Variants in CDH23 observed in about 807,000 individuals in gnomAD.
The protein encoded by CDH23 is cadherin-23.
Under a neutral mutation model 317.1 loss-of-function variants are expected in CDH23, and 189 were observed. The ratio of observed to expected loss-of-function variants is 0.60; its 90% CI spans 0.53 to 0.67. The LOEUF (loss-of-function observed/expected upper bound fraction) is 0.67, where lower values mean the gene tolerates loss of function less well. Ranked by LOEUF, CDH23 falls within the 30% of genes least tolerant of loss-of-function variation. The probability of loss-of-function intolerance (pLI) is 0.00; values close to 1 mark genes in which losing one functional copy is unlikely to be tolerated. For synonymous variants in CDH23, 1,839 were observed against 1,876.8 expected (o/e 0.98, Z 0.52); for missense variants, 4,401 against 4,592.4 (o/e 0.96, Z 1.20).
At position 71,488,476 on chromosome 10, in the gene CDH23, A is replaced by G. The variant is rs891999803; in HGVS notation, c.146-21606A>G. Among the ~76,000 whole-genome samples, 4 of 152,158 alleles carry G rather than the reference A, an allele frequency of 2.6e-5. No individual in the cohort carries two copies. The East Asian group carries it at 5.8e-4, about 22-fold the overall frequency. ...ACTTTAACACCCCTTTTCCTGGTCC[A>G]TCTGACTTGTCAATCATTTCATCCC... On this transcript the variant is annotated intron_variant, in intron 3 of 69. Coordinates refer to ENST00000224721, the MANE Select transcript of CDH23 (RefSeq NM_022124.6).
intron 19 of CDH23, among the ~76,000 whole-genome samples, chr10:71,689,007 G>T (rs1169697672): frequency 8.8e-6 from 1 of 113,688 alleles, no homozygotes; most frequent in Non-Finnish European, 2.0e-5. Context: ...TGGAGCCAGG[G>T]GTGGTGGAGT....
intron 9 of CDH23, among the ~76,000 whole-genome samples, chr10:71,607,940 G>T (rs1564684097): frequency 1.3e-5 from 2 of 152,134 alleles, no homozygotes; most frequent in South Asian, 2.1e-4. Context: ...AACAGGCATG[G>T]CAGGAAAGAA....
At chr10:71,482,944 G>A (rs1293299729) in intron 3 of CDH23, among the ~76,000 whole-genome samples, 1 of 152,206 alleles carries the variant, frequency 6.6e-6, no homozygotes, top group African/African-American at 2.4e-5. Context: ...TTTTCTCTGT[G>A]GAAGTAAATC....
intron 6 of CDH23, among the ~76,000 whole-genome samples, chr10:71,520,890 G>A (rs990803379): frequency 1.3e-5 from 2 of 152,278 alleles, no homozygotes; most frequent in South Asian, 2.1e-4. Context: ...TGATGTGTGC[G>A]CAGGCTGCCT....
intron 1 of CDH23, among the ~76,000 whole-genome samples, chr10:71,407,272 G>A (rs552239996): frequency 1.3e-5 from 2 of 152,198 alleles, no homozygotes; most frequent in Non-Finnish European, 2.9e-5. Flanking sequence ...CAGAGCTGGG[G>A]CTGGGTTCTG....
Position 71,812,825 on chromosome 10 carries a change from G to A in CDH23, c.9568G>A (p.Ala3190Thr). The A allele has an allele frequency of 6.2e-7, 1 of 1,613,624 alleles. No homozygotes were observed. The highest frequency in any genetic ancestry group is 8.5e-7 in the Non-Finnish European group (1 of 1,179,702). ...VKPDDDRYLR[A>T]AIQEYDNIAK... The stretch of plus-strand genomic sequence containing the variant: ...GCCTGATGATGACCGATACCTGCGG[G>A]CTGCCATCCAGGAGTATGACAACAT... Residue 3190 changes from alanine to threonine, a missense_variant, in exon 68 of 70, where the codon GCT becomes ACT. Ala to Thr is a moderately conservative substitution (Grantham distance 58). Around this residue, in one of 3 missense-constraint regions of CDH23, gnomAD observed 1,144 missense variants for 1,138.2 expected, o/e 1.01. Coordinates refer to ENST00000224721, the MANE Select transcript of CDH23 (RefSeq NM_022124.6).
intron 19 of CDH23, 48 bp from the exon 20 acceptor site, chr10:71,690,420 G>C: frequency 7.0e-7 from 1 of 1,434,966 alleles, no homozygotes; most frequent in Non-Finnish European, 9.6e-7. Context: ...TGAAGCCAGG[G>C]GCCCAGGGTG....
In CDH23 at chr10:71,566,930, C is replaced by T. The variant is rs397517348; in HGVS notation, c.618C>T (p.Asn206=). Residue 206 remains asparagine, a synonymous_variant, in exon 7 of 70, where the codon AAC becomes AAT. Coordinates refer to ENST00000224721, the MANE Select transcript of CDH23 (RefSeq NM_022124.6). ...CACAGGCCTACCAGCTCACGGTCAACGCCACAGTGAGTCTCCATGCTGGGG... is the reference window on the plus strand; with the variant it reads ...CACAGGCCTACCAGCTCACGGTCAATGCCACAGTGAGTCTCCATGCTGGGG... The part of the protein sequence containing the change: ...ETTQAYQLTV[N]ATDQDKTRPL... 31 of 1,611,920 alleles carry T rather than the reference C, an allele frequency of 1.9e-5. No individual in the cohort carries two copies. The highest frequency in any genetic ancestry group is 4.5e-5 in the East Asian group (2 of 44,900).
intron 1 of CDH23, among the ~76,000 whole-genome samples, chr10:71,438,934 G>A (rs1179267742): frequency 6.6e-6 from 1 of 152,188 alleles, no homozygotes; most frequent in African/African-American, 2.4e-5. Flanking sequence ...AGGATTCCTG[G>A]TTGGTGAGTG....
chr10:71,584,468 A>T (rs1467530764), intron 9 of CDH23, among the ~76,000 whole-genome samples: 2 of 152,072 alleles, frequency 1.3e-5, no homozygotes, highest in East Asian at 3.9e-4. Context: ...ATGCTACCCA[A>T]GTGAGGAGGT....
intron 11 of CDH23, among the ~76,000 whole-genome samples, chr10:71,625,937 ACC>A (rs983620467): frequency 1.3e-5 from 2 of 152,196 alleles, no homozygotes; most frequent in African/African-American, 4.8e-5. Context: ...TATTAGCATT[ACC>A]TGTGGCTTTG....
intron 38 of CDH23, chr10:71,773,268 G>T (rs1589413246): frequency 7.1e-7 from 1 of 1,402,952 alleles, no homozygotes; most frequent in Non-Finnish European, 9.8e-7. Context: ...GGCTGAGAGG[G>T]CCCCCAGGAC....
chr10:71,811,421 A>G lies in CDH23; in HGVS notation c.9184A>G (p.Met3062Val), dbSNP rs762820479. ...CATCTCTGTCCGGCTGCCGGATGACATGTCTGCCCTGCAGGTACCCGGCGA... is the reference window on the plus strand; with the variant it reads ...CATCTCTGTCCGGCTGCCGGATGACGTGTCTGCCCTGCAGGTACCCGGCGA... The part of the protein sequence containing the change: ...PAISVRLPDD[M>V]SALQMAIIVL... The change falls in exon 63 of 70, where the codon ATG (methionine) becomes GTG (valine). Residue 3062 changes from methionine (M) to valine (V), a missense_variant. Met to Val is a conservative substitution (Grantham distance 21, BLOSUM62 1). This residue lies in a region of CDH23 where 1,144 missense variants were observed against 1,138.2 expected (regional missense o/e 1.01). Coordinates refer to ENST00000224721, the MANE Select transcript of CDH23 (RefSeq NM_022124.6). 1.2e-6 allele frequency: 2 copies of G among 1,613,856 alleles called. No homozygotes were observed. The highest frequency in any genetic ancestry group is 1.3e-5 in the African/African-American group (1 of 74,920).
chr10:71,702,151 G>A lies in CDH23; in HGVS notation c.2527G>A (p.Glu843Lys), dbSNP rs1242768697. ...CACCACCCACGCCATGCTGGACCGG[G>A]AGAACCCCGACCCCCATGAGGCCGA... ...IRTTHAMLDR[E>K]NPDPHEAELM... The change falls in exon 23 of 70, where the codon GAG becomes AAG. Residue 843 changes from glutamate to lysine, a missense_variant. By Grantham distance (56) the Glu-to-Lys change is moderately conservative (BLOSUM62 1). Around this residue, in one of 3 missense-constraint regions of CDH23, gnomAD observed 3,068 missense variants for 3,203.3 expected, o/e 0.96. Coordinates refer to ENST00000224721, the MANE Select transcript of CDH23 (RefSeq NM_022124.6). 6.2e-7 allele frequency: 1 copy of A among 1,613,918 alleles called. No homozygotes were observed.
chr10:71,713,272 A>G (rs774418744), intron 28 of CDH23: 1 of 779,484 alleles, frequency 1.3e-6, no homozygotes, highest in Non-Finnish European at 2.4e-6. Flanking sequence ...CCCAGGGAGC[A>G]GGCGCAACAG....
chr10:71,460,044 T>C (rs1212292654), intron 3 of CDH23, among the ~76,000 whole-genome samples: 1 of 152,172 alleles, frequency 6.6e-6, no homozygotes, highest in Non-Finnish European at 1.5e-5. Flanking sequence ...AGGAGGTAGT[T>C]ATGGAGCCCA....
At chr10:71,540,286 C>G (rs1855917010) in intron 6 of CDH23, among the ~76,000 whole-genome samples, 1 of 152,164 alleles carries the variant, frequency 6.6e-6, no homozygotes, top group African/African-American at 2.4e-5. Context: ...GAAAGCAGCT[C>G]ATTCTCCTCT....
chr10:71,537,798 A>ATCACTTCGTTTCCC, intron 6 of CDH23, among the ~76,000 whole-genome samples: 1 of 152,336 alleles, frequency 6.6e-6, no homozygotes, highest in South Asian at 2.1e-4. Context: ...TGAGTCAAAC[A>ATCACTTCGTTTCCC]TCACTTCGTT....
At chr10:71,544,324 CAG>C (rs1200658439) in intron 6 of CDH23, among the ~76,000 whole-genome samples, 5 of 152,180 alleles carry the variant, frequency 3.3e-5, no homozygotes, top group Admixed American at 6.5e-5. Flanking sequence ...ACTCTAATAA[CAG>C]GGGAAGTTTC....
Sources: allele counts gnomAD v4.1 joint callset (sites outside exome capture counted in the v4.1 genomes callset), GRCh38; gene constraint gnomAD v4.1.1; regional missense constraint gnomAD v4.1.1; transcripts MANE v1.5; gene names NCBI Gene and HGNC (gene_info 2026-07-23, HGNC 2026-07-21).